DOCK3: variants seen among roughly 807,000 people sequenced by gnomAD.
The protein encoded by DOCK3 is dedicator of cytokinesis 3, also known as dedicator of cytokinesis protein 3.
In DOCK3, 60 loss-of-function variants were observed where a neutral mutation model predicts 265.6. That is an observed-to-expected ratio of 0.23 (90% CI 0.18 to 0.28). DOCK3 has a LOEUF of 0.28. Among genes scored for constraint, DOCK3 ranks in the 10% least tolerant of loss-of-function variants. The pLI, the probability that DOCK3 is intolerant of heterozygous loss-of-function variation, is 1.00. For missense variants in DOCK3, 1,981 were observed against 2,594.3 expected, an observed-to-expected ratio of 0.76 and a Z score of 5.14; for synonymous variants, 881 against 938.0, an observed-to-expected ratio of 0.94 and a Z score of 1.11.
At chr3:50,958,453 C>T (rs979753351) in intron 5 of DOCK3, among the ~76,000 whole-genome samples, 14 of 152,092 alleles carry the variant, frequency 9.2e-5, no homozygotes, top group Non-Finnish European at 1.9e-4. Flanking sequence ...CATGTCTTTT[C>T]GGCCTCTGTG....
chr3:51,055,507 G>T (rs891199754), intron 5 of DOCK3, among the ~76,000 whole-genome samples: 1 of 152,154 alleles, frequency 6.6e-6, no homozygotes, highest in Non-Finnish European at 1.5e-5. Context: ...AAGGATTGAG[G>T]CTGGCTTTTT....
chr3:50,882,557 C>G (rs2107668012), intron 3 of DOCK3, among the ~76,000 whole-genome samples: 1 of 152,278 alleles, frequency 6.6e-6, no homozygotes, highest in African/African-American at 2.4e-5. Context: ...CAAATCAAAA[C>G]CACAATGAGA....
intron 4 of DOCK3, chr3:50,900,838 C>T (rs2049152880): frequency 7.3e-6 from 3 of 408,760 alleles, no homozygotes; most frequent in Non-Finnish European, 9.6e-6. Flanking sequence ...AGATTGCTGC[C>T]CTCTGGAAGC....
At chr3:50,923,169 T>A (rs2050588720) in intron 4 of DOCK3, among the ~76,000 whole-genome samples, 1 of 152,220 alleles carries the variant, frequency 6.6e-6, no homozygotes, top group African/African-American at 2.4e-5. Context: ...AGTTGTTGAT[T>A]GATGGGCATG....
rs9810834 is a variant in DOCK3 at position 51,027,630 on chromosome 3, G to A, written c.316-36818G>A. Among the ~76,000 whole-genome samples, 456 of 152,054 alleles carry A rather than the reference G, an allele frequency of 3.0e-3. 3 individuals carry two copies. The highest frequency in any genetic ancestry group is 0.01 in the African/African-American group (433 of 41,472). ...ATAAATCTGGGTGCTTTGTTGTTGGGTGCATATATATTTAGGATAGTTAAC... is the reference window on the plus strand; with the variant it reads ...ATAAATCTGGGTGCTTTGTTGTTGGATGCATATATATTTAGGATAGTTAAC... On this transcript the variant is annotated intron_variant, in intron 5 of 52. Coordinates refer to ENST00000266037, the MANE Select transcript of DOCK3 (RefSeq NM_004947.5).
At chr3:51,366,784 T>G (rs541154624) in intron 49 of DOCK3, among the ~76,000 whole-genome samples, 2 of 152,356 alleles carry the variant, frequency 1.3e-5, no homozygotes, top group African/African-American at 4.8e-5. Flanking sequence ...TCAGTTTCCA[T>G]GTAGTTGAGT....
chr3:50,766,843 T>G (rs1022069413), intron 1 of DOCK3, among the ~76,000 whole-genome samples: 5 of 152,222 alleles, frequency 3.3e-5, no homozygotes, highest in Admixed American at 2.6e-4. Flanking sequence ...TATCTCATTG[T>G]GGTTTTGATT....
At chr3:50,937,958 A>G (rs1175060368) in intron 5 of DOCK3, among the ~76,000 whole-genome samples, 2 of 152,106 alleles carry the variant, frequency 1.3e-5, no homozygotes, top group Non-Finnish European at 2.9e-5. Context: ...AAAAAAAACT[A>G]TATGTTGTTT....
intron 25 of DOCK3, among the ~76,000 whole-genome samples, chr3:51,276,019 G>T (rs1284059645): frequency 5.3e-5 from 8 of 152,150 alleles, no homozygotes; most frequent in Non-Finnish European, 1.0e-4. Context: ...ATTTTATTAG[G>T]TTGCTAGAGA....
At chr3:51,067,950 C>G (rs1174002195) in intron 6 of DOCK3, among the ~76,000 whole-genome samples, 1 of 152,156 alleles carries the variant, frequency 6.6e-6, no homozygotes, top group African/African-American at 2.4e-5. Flanking sequence ...TCTGATAGTT[C>G]CACACTTCTT....
Position 50,960,878 on chromosome 3 carries a change from T to G in DOCK3, c.315+26801T>G, listed in dbSNP as rs9869000. 2.8e-3 allele frequency among the ~76,000 whole-genome samples: 424 copies of G among 152,260 alleles called. 3 individuals are homozygous for G. Among genetic ancestry groups the G allele is most frequent in the African/African-American group, 9.8e-3 (406 of 41,560 alleles). ...GGTGGTGTGAGATAAAAATCTAAAT[T>G]AAGTTTTTTCCTAGTAAATGTGCAA... On this transcript the variant is annotated intron_variant, in intron 5 of 52. Transcript: ENST00000266037.
chr3:50,964,393 A>G (rs920999188), intron 5 of DOCK3, among the ~76,000 whole-genome samples: 3 of 152,186 alleles, frequency 2.0e-5, no homozygotes, highest in African/African-American at 7.2e-5. Context: ...ACAGTATTCA[A>G]TATGTCCAAA....
At chr3:50,718,069 C>T (rs999297754) in intron 1 of DOCK3, among the ~76,000 whole-genome samples, 24 of 152,182 alleles carry the variant, frequency 1.6e-4, no homozygotes, top group East Asian at 1.5e-3. Flanking sequence ...ATGAGGCCAT[C>T]GGTACCTTTA....
chr3:51,084,070 G>T (rs1194056956), intron 7 of DOCK3, among the ~76,000 whole-genome samples: 3 of 152,090 alleles, frequency 2.0e-5, no homozygotes, highest in Non-Finnish European at 4.4e-5. Flanking sequence ...AAAGAGTAAA[G>T]AAAGCTTATG....
intron 49 of DOCK3, among the ~76,000 whole-genome samples, chr3:51,369,225 T>G (rs746543573): frequency 6.6e-6 from 1 of 152,248 alleles, no homozygotes; most frequent in Middle Eastern, 3.2e-3. Context: ...CTTCAGATGA[T>G]CGGTAATGAC....
intron 4 of DOCK3, among the ~76,000 whole-genome samples, chr3:50,906,396 A>ATT (rs148371347): frequency 1.3e-5 from 2 of 151,574 alleles, no homozygotes; most frequent in South Asian, 2.1e-4. Context: ...CTGGTCCTGC[A>ATT]TTTTTTTTGG....
intron 9 of DOCK3, among the ~76,000 whole-genome samples, chr3:51,127,081 A>G (rs2084297678): frequency 6.6e-6 from 1 of 152,150 alleles, no homozygotes; most frequent in Non-Finnish European, 1.5e-5. Flanking sequence ...TTGGAGTCCC[A>G]TGTTTGAGGG....
intron 6 of DOCK3, 74 bp from the exon 7 acceptor site, chr3:51,075,282 G>A: frequency 7.8e-7 from 1 of 1,288,894 alleles, no homozygotes; most frequent in Non-Finnish European, 1.1e-6. Context: ...GGCAGGTATG[G>A]GTTCCCAGGC....
At chr3:50,797,812 T>C (rs908695042) in intron 2 of DOCK3, among the ~76,000 whole-genome samples, 2 of 152,252 alleles carry the variant, frequency 1.3e-5, no homozygotes, top group Admixed American at 6.5e-5. Flanking sequence ...ATTGGCCATT[T>C]ATATGTCTTT....
Sources: allele counts gnomAD v4.1 joint callset (sites outside exome capture counted in the v4.1 genomes callset), GRCh38; gene constraint gnomAD v4.1.1; transcripts MANE v1.5; gene names NCBI Gene and HGNC (gene_info 2026-07-23, HGNC 2026-07-21).